The following PTPRD variants were observed in gnomAD, a reference collection of about 807,000 sequenced individuals.
PTPRD encodes protein tyrosine phosphatase receptor type D.
In PTPRD, 34 loss-of-function variants were observed where a neutral mutation model predicts 214.5. The ratio of observed to expected loss-of-function variants is 0.16; its 90% CI spans 0.12 to 0.21. PTPRD has a LOEUF of 0.21. Ranked by LOEUF, PTPRD falls within the 10% of genes least tolerant of loss-of-function variation. The pLI is 1.00. For missense variants in PTPRD, 2,545 were observed against 2,398.7 expected, an observed-to-expected ratio of 1.06 and a Z score of -1.27; for synonymous variants, 1,128 against 845.7, an observed-to-expected ratio of 1.33 and a Z score of -5.79.
At chr9:9,524,357 G>C (rs1190270084) in intron 8 of PTPRD, among the ~76,000 whole-genome samples, 2 of 152,100 alleles carry the variant, frequency 1.3e-5, no homozygotes, top group East Asian at 1.9e-4. Flanking sequence ...AATATGTCTA[G>C]GTTCTACCTT....
intron 5 of PTPRD, among the ~76,000 whole-genome samples, chr9:9,823,859 G>C (rs540483594): frequency 6.6e-5 from 10 of 151,848 alleles, no homozygotes; most frequent in Non-Finnish European, 1.3e-4. Context: ...ATAATTAGAG[G>C]AGCAAATCTG....
chr9:8,552,085 C>T (rs2082274306), intron 14 of PTPRD, among the ~76,000 whole-genome samples: 1 of 152,134 alleles, frequency 6.6e-6, no homozygotes, highest in Non-Finnish European at 1.5e-5. Flanking sequence ...GGACCAGAGG[C>T]CTGTGACCAT....
At chr9:9,243,852 C>T (rs2099971614) in intron 9 of PTPRD, among the ~76,000 whole-genome samples, 1 of 152,158 alleles carries the variant, frequency 6.6e-6, no homozygotes, top group African/African-American at 2.4e-5. Context: ...GTCAAATTGT[C>T]CCTGTTTGCA....
At chr9:10,115,306 T>C (rs1025012668) in intron 3 of PTPRD, among the ~76,000 whole-genome samples, 1 of 152,102 alleles carries the variant, frequency 6.6e-6, no homozygotes, top group Non-Finnish European at 1.5e-5. Flanking sequence ...GTATGATACA[T>C]ATTTATTGAA....
At chr9:10,555,895 T>C (rs1246013984) in intron 2 of PTPRD, among the ~76,000 whole-genome samples, 2 of 152,012 alleles carry the variant, frequency 1.3e-5, no homozygotes, top group Non-Finnish European at 2.9e-5. Flanking sequence ...AAAAAGGTCA[T>C]GGTGGGGCAG....
chr9:8,729,403 C>T (rs556494015), intron 12 of PTPRD, among the ~76,000 whole-genome samples: 16 of 151,746 alleles, frequency 1.1e-4, no homozygotes, highest in Admixed American at 5.9e-4. Context: ...TACAAGAAAA[C>T]CTGGCTTATC....
At chr9:9,275,833 A>C (rs201009729) in intron 9 of PTPRD, among the ~76,000 whole-genome samples, 1 of 143,192 alleles carries the variant, frequency 7.0e-6, no homozygotes, top group Admixed American at 7.0e-5. Context: ...GTGTGTGTGT[A>C]TGTGTGTGTG....
chr9:9,202,003 C>A lies in PTPRD; in HGVS notation c.-202-18640G>T, dbSNP rs142631740. Among the ~76,000 whole-genome samples the A allele has an allele frequency of 3.6e-3, 547 of 152,252 alleles. 3 individuals are homozygous for A. The highest frequency in any genetic ancestry group is 0.01 in the Middle Eastern group (3 of 294). ...TTGAATACACTAATAAAGATGGACA[C>A]GAACTTTTGGTGGAGTTCAGTGCAA... On this transcript the variant is annotated intron_variant, in intron 9 of 45. Transcript: ENST00000381196.
chr9:10,363,748 A>G (rs1384627640), intron 2 of PTPRD, among the ~76,000 whole-genome samples: 1 of 152,126 alleles, frequency 6.6e-6, no homozygotes, highest in Non-Finnish European at 1.5e-5. Flanking sequence ...ATAAACCAAT[A>G]AAATGTGACC....
At chr9:8,407,411 T>G (rs1323091068) in intron 35 of PTPRD, among the ~76,000 whole-genome samples, 1 of 152,182 alleles carries the variant, frequency 6.6e-6, no homozygotes, top group Non-Finnish European at 1.5e-5. Flanking sequence ...ACTTGGTACT[T>G]AAGTAATTTG....
chr9:10,038,445 C>T (rs1406944293), intron 3 of PTPRD, among the ~76,000 whole-genome samples: 2 of 152,014 alleles, frequency 1.3e-5, no homozygotes, highest in South Asian at 4.1e-4. Context: ...ATTTTGTGTT[C>T]TCTATCTCAG....
rs556285453 is a variant in PTPRD, at chr9:9,347,561, T to G, written c.-203+49888A>C. ...TTCTGTTTCACTTATAAATTTTCAT[T>G]ATTCTTTAGCTATTACACAGAGTGG... is the stretch of plus-strand genomic sequence containing the variant. On this transcript the variant is annotated intron_variant, in intron 9 of 45. Transcript: ENST00000381196. Among the ~76,000 whole-genome samples, 8 of 152,234 alleles carry G rather than the reference T, an allele frequency of 5.3e-5. No individual in the cohort carries two copies. In the South Asian group the frequency reaches 1.5e-3, roughly 28 times the overall value.
At chr9:9,617,395 A>G (rs1274306286) in intron 7 of PTPRD, among the ~76,000 whole-genome samples, 1 of 152,222 alleles carries the variant, frequency 6.6e-6, no homozygotes, top group Non-Finnish European at 1.5e-5. Context: ...ATAATATAAT[A>G]TAGACAATTA....
intron 7 of PTPRD, among the ~76,000 whole-genome samples, chr9:9,623,997 A>G (rs1429688800): frequency 6.6e-6 from 1 of 152,210 alleles, no homozygotes; most frequent in South Asian, 2.1e-4. Flanking sequence ...CTCAAAAACA[A>G]AAGCATTTCT....
rs556848284 is a variant in PTPRD, at chr9:10,203,090, A to G, written c.-545+137873T>C. On this transcript the variant is annotated intron_variant, in intron 3 of 45. Coordinates refer to ENST00000381196, the MANE Select transcript of PTPRD (RefSeq NM_002839.4). ...ACGTGTACTTCTCTTGATGTATCAG[A>G]GTGGAGGGACACTGTGGATTTCAAT... is the stretch of plus-strand genomic sequence containing the variant. Among the ~76,000 whole-genome samples, 12 of 151,958 alleles carry G rather than the reference A, an allele frequency of 7.9e-5. No homozygotes were observed. In the South Asian group the frequency reaches 2.5e-3, roughly 32 times the overall value.
intron 5 of PTPRD, among the ~76,000 whole-genome samples, chr9:9,793,499 G>A (rs2098981291): frequency 6.6e-6 from 1 of 152,020 alleles, no homozygotes; most frequent in African/African-American, 2.4e-5. Flanking sequence ...TGGATGGACG[G>A]ACAGATAGAT....
chr9:10,291,072 T>A (rs2095513604), intron 3 of PTPRD, among the ~76,000 whole-genome samples: 2 of 151,352 alleles, frequency 1.3e-5, no homozygotes, highest in African/African-American at 4.9e-5. Context: ...TCTTTAAGAA[T>A]GAGCATATAG....
At chr9:10,072,868 T>C (rs1196366225) in intron 3 of PTPRD, among the ~76,000 whole-genome samples, 2 of 152,092 alleles carry the variant, frequency 1.3e-5, no homozygotes, top group Non-Finnish European at 2.9e-5. Context: ...TGAAAATATA[T>C]AGCCACATAA....
chr9:10,068,981 G>C (rs1031490639), intron 3 of PTPRD, among the ~76,000 whole-genome samples: 2 of 151,976 alleles, frequency 1.3e-5, no homozygotes, highest in Non-Finnish European at 2.9e-5. Context: ...ATATTAAACA[G>C]TTTGTTTATC....
Sources: gnomAD v4.1 joint callset for allele counts (sites outside exome capture counted in the v4.1 genomes callset) on GRCh38, gnomAD v4.1.1 for gene constraint, MANE v1.5 for transcripts, NCBI Gene and HGNC (gene_info 2026-07-23, HGNC 2026-07-21) for gene names.